TRPC5: variants seen among roughly 807,000 people sequenced by gnomAD.
TRPC5 encodes the protein short transient receptor potential channel 5.
A neutral mutation model predicts 56.5 loss-of-function variants in TRPC5; 9 were observed. That is an observed-to-expected ratio of 0.16 (90% CI 0.10 to 0.28). The LOEUF is 0.28. Ranked by LOEUF, TRPC5 falls within the 10% of genes least tolerant of loss-of-function variation. TRPC5 has a pLI of 1.00. For missense variants in TRPC5, 469 were observed against 748.9 expected (o/e 0.63, Z 4.36); for synonymous variants, 282 against 278.5 (o/e 1.01, Z -0.13).
chrX:111,978,346 C>A (rs778149317), intron 1 of TRPC5, among the ~76,000 whole-genome samples: 1 of 111,402 alleles, frequency 9.0e-6, no homozygotes, highest in South Asian at 3.8e-4. Flanking sequence ...AATTGAAATA[C>A]TACATGATCT....
chrX:111,937,167 C>T (rs1187400651), intron 2 of TRPC5, among the ~76,000 whole-genome samples: 1 of 106,200 alleles, frequency 9.4e-6, no homozygotes, highest in East Asian at 2.8e-4. Context: ...TGTTCATGTC[C>T]TTCGCCCACT....
chrX:112,028,864 A>G (rs1248706325), intron 1 of TRPC5, among the ~76,000 whole-genome samples: 1 of 112,080 alleles, frequency 8.9e-6, no homozygotes, highest in African/African-American at 3.2e-5. Context: ...GTCTTCCACA[A>G]TGGTTGAACT....
At chrX:111,835,469 G>A (rs918426114) in intron 6 of TRPC5, among the ~76,000 whole-genome samples, 1 of 111,791 alleles carries the variant, frequency 8.9e-6, no homozygotes, top group Non-Finnish European at 1.9e-5. Flanking sequence ...TAATTATGCA[G>A]AGGCAATACA....
intron 7 of TRPC5, among the ~76,000 whole-genome samples, chrX:111,812,237 A>G (rs1164524501): frequency 9.0e-6 from 1 of 111,210 alleles, no homozygotes; most frequent in African/African-American, 3.3e-5. Flanking sequence ...GATTTTTGAC[A>G]GAGAATGGAA....
chrX:111,905,595 C>G (rs1018355951), intron 3 of TRPC5, among the ~76,000 whole-genome samples: 1 of 111,890 alleles, frequency 8.9e-6, no homozygotes, highest in African/African-American at 3.3e-5. Context: ...TACCTGGTCA[C>G]AATTTCATCT....
intron 2 of TRPC5, among the ~76,000 whole-genome samples, chrX:111,930,019 T>C (rs1182294212): frequency 2.7e-5 from 3 of 112,238 alleles, no homozygotes; most frequent in Non-Finnish European, 5.6e-5. Context: ...CTCAAACATG[T>C]GGTGATATGC....
intron 7 of TRPC5, among the ~76,000 whole-genome samples, chrX:111,829,509 G>T (rs1922345623): frequency 9.0e-6 from 1 of 111,706 alleles, no homozygotes; most frequent in African/African-American, 3.3e-5. Context: ...CCCATCACGG[G>T]CCCAGAGGCC....
intron 7 of TRPC5, among the ~76,000 whole-genome samples, chrX:111,804,635 A>C (rs1349177315): frequency 9.0e-6 from 1 of 111,526 alleles, no homozygotes; most frequent in Non-Finnish European, 1.9e-5. Context: ...GAGTTCACTC[A>C]TGATTTGGCT....
intron 1 of TRPC5, among the ~76,000 whole-genome samples, chrX:112,023,027 C>T (rs773491548): frequency 3.6e-5 from 4 of 110,000 alleles, no homozygotes; most frequent in African/African-American, 9.9e-5. Context: ...CTCTACTTCC[C>T]GGGTTCACGC....
chrX:111,793,846 A>G (rs1946040911), intron 7 of TRPC5, among the ~76,000 whole-genome samples: 2 of 112,493 alleles, frequency 1.8e-5, no homozygotes, highest in Admixed American at 1.9e-4. Flanking sequence ...TGGCACATTC[A>G]TACAATGAAA....
chrX:111,856,444 C>A (rs1472087945), intron 3 of TRPC5, among the ~76,000 whole-genome samples: 2 of 107,765 alleles, frequency 1.9e-5, no homozygotes. Flanking sequence ...GTGGCTGAAG[C>A]AAGAGAATCG....
At chrX:112,016,270 A>G (rs1007191811) in intron 1 of TRPC5, among the ~76,000 whole-genome samples, 1 of 110,989 alleles carries the variant, frequency 9.0e-6, no homozygotes, top group Non-Finnish European at 1.9e-5. Flanking sequence ...CTAGAGGATC[A>G]AAGGCAAGAA....
At chrX:111,805,660 A>G (rs1921481439) in intron 7 of TRPC5, among the ~76,000 whole-genome samples, 1 of 111,639 alleles carries the variant, frequency 9.0e-6, no homozygotes, top group Middle Eastern at 4.6e-3. Context: ...CTATCTATCT[A>G]TCTATCTATC....
At position 111,781,300 on chromosome X, in the gene TRPC5, A is replaced by G. The variant is rs1028060697; in HGVS notation, c.2101-94T>C. ...AATATAATTATTTCTATATATTAGGACTAGAGAATGCTACAGGAGCTCCTG... is the reference window on the plus strand; with the variant it reads ...AATATAATTATTTCTATATATTAGGGCTAGAGAATGCTACAGGAGCTCCTG... On this transcript the variant is annotated intron_variant, in intron 8 of 10. Transcript: ENST00000262839. 131 of 785,742 alleles carry G rather than the reference A, an allele frequency of 1.7e-4. 5 individuals carry two copies. In the Admixed American group the frequency reaches 3.0e-3, roughly 18 times the overall value. 64.8% of individuals were successfully genotyped at this position (785,742 alleles called of 1,213,427 possible).
chrX:111,964,589 C>T (rs1405518670), intron 1 of TRPC5, among the ~76,000 whole-genome samples: 2 of 111,450 alleles, frequency 1.8e-5, no homozygotes, highest in Non-Finnish European at 3.8e-5. Flanking sequence ...GTGGGGTTAC[C>T]CACAAAGGGA....
At chrX:111,863,209 T>C (rs1348506184) in intron 3 of TRPC5, among the ~76,000 whole-genome samples, 1 of 112,006 alleles carries the variant, frequency 8.9e-6, no homozygotes, top group Non-Finnish European at 1.9e-5. Context: ...GTTACTTTTT[T>C]TGGCAAGGGT....
At chrX:111,792,599 C>T (rs139612354) in intron 7 of TRPC5, among the ~76,000 whole-genome samples, 2,754 of 111,990 alleles carry the variant, frequency 0.025, 39 homozygotes, top group Non-Finnish European at 0.038. Context: ...GCAGTGTCCC[C>T]ACTTGCTATC....
At chrX:112,050,498 C>T (rs1484255393) in intron 1 of TRPC5, among the ~76,000 whole-genome samples, 1 of 112,475 alleles carries the variant, frequency 8.9e-6, no homozygotes, top group South Asian at 3.7e-4. Flanking sequence ...TGTGTGTGCG[C>T]ACATGTGCAT....
chrX:112,043,807 T>C (rs1929958456), intron 1 of TRPC5, among the ~76,000 whole-genome samples: 1 of 111,072 alleles, frequency 9.0e-6, no homozygotes. Flanking sequence ...GGCTCTTTTG[T>C]CAGTAAGTTA....
Sources: gnomAD v4.1 joint callset for allele counts (sites outside exome capture counted in the v4.1 genomes callset) on GRCh38, gnomAD v4.1.1 for gene constraint, MANE v1.5 for transcripts, NCBI Gene and HGNC (gene_info 2026-07-23, HGNC 2026-07-21) for gene names.